GPHN: variants seen among roughly 807,000 people sequenced by gnomAD.
GPHN encodes gephyrin.
GPHN carries 17 observed loss-of-function variants against 95.5 expected under a neutral mutation model. The observed-to-expected ratio is 0.18, with a 90% CI of 0.12 to 0.27. The LOEUF (loss-of-function observed/expected upper bound fraction) is 0.27, where lower values mean the gene tolerates loss of function less well. GPHN is among the 10% of genes least tolerant of loss of function. GPHN has a pLI of 1.00. For synonymous variants in GPHN, 320 were observed against 322.5 expected, an observed-to-expected ratio of 0.99 and a Z score of 0.08; for missense variants, 660 against 978.1, an observed-to-expected ratio of 0.67 and a Z score of 4.34.
rs139038063 is a variant in GPHN at position 66,970,867 on chromosome 14, G to C, written c.963+5542G>C. On this transcript the variant is annotated intron_variant, in intron 9 of 22. Transcript: ENST00000478722. ...TCTGAACAAAAATATGTTTTCTTTT[G>C]TGAACATTTACCTCATCTGGGGGGT... 2.9e-4 allele frequency among the ~76,000 whole-genome samples: 44 copies of C among 152,256 alleles called. 3 individuals carry two copies. In the East Asian group the frequency reaches 8.1e-3, roughly 28 times the overall value.
the GPHN span, chr14:67,279,612 A>C: frequency 1.5e-6 from 2 of 1,334,576 alleles, no homozygotes; most frequent in Non-Finnish European, 2.0e-6. Context: ...TATGAGAAGG[A>C]AGAGGGTTTA....
At chr14:66,988,365 C>T (rs1003032804) in intron 9 of GPHN, among the ~76,000 whole-genome samples, 23 of 152,020 alleles carry the variant, frequency 1.5e-4, no homozygotes, top group African/African-American at 5.3e-4. Flanking sequence ...ATGTCTTCTA[C>T]CCCTTGTTAG....
the GPHN span, among the ~76,000 whole-genome samples, chr14:67,237,879 G>T: frequency 6.6e-6 from 1 of 152,112 alleles, no homozygotes; most frequent in Admixed American, 6.6e-5. Flanking sequence ...TGACAGGGGG[G>T]TTTAAACCAC....
intron 2 of GPHN, among the ~76,000 whole-genome samples, chr14:66,729,922 A>G (rs1202580736): frequency 6.6e-6 from 1 of 152,224 alleles, no homozygotes; most frequent in Admixed American, 6.5e-5. Flanking sequence ...CTGATCTCCC[A>G]CTATGATTGT....
At chr14:66,914,215 G>A (rs2065804360) in intron 5 of GPHN, among the ~76,000 whole-genome samples, 1 of 152,156 alleles carries the variant, frequency 6.6e-6, no homozygotes, top group Admixed American at 6.5e-5. Context: ...CCTAGAGCAA[G>A]TGAAGTATTA....
At chr14:67,649,684 C>T in the GPHN span, 3 of 152,146 alleles carry the variant, frequency 2.0e-5, no homozygotes, top group African/African-American at 7.2e-5. Flanking sequence ...GTACACTCAA[C>T]TATGCATTGC....
the GPHN span, among the ~76,000 whole-genome samples, chr14:67,512,718 G>T: frequency 1.3e-5 from 2 of 151,980 alleles, no homozygotes; most frequent in African/African-American, 2.4e-5. Context: ...CAACATCATC[G>T]GAGACCCTCC....
intron 13 of GPHN, among the ~76,000 whole-genome samples, chr14:67,103,419 G>A (rs891935060): frequency 4.6e-5 from 7 of 150,600 alleles, no homozygotes; most frequent in African/African-American, 1.7e-4. Flanking sequence ...TATAGGAATT[G>A]CAATGAATCT....
the GPHN span, among the ~76,000 whole-genome samples, chr14:67,402,935 C>T: frequency 6.6e-6 from 1 of 152,072 alleles, no homozygotes; most frequent in Admixed American, 6.6e-5. Flanking sequence ...GGGTATATAC[C>T]CAGCAGTGGA....
intron 12 of GPHN, among the ~76,000 whole-genome samples, chr14:67,098,538 G>A (rs1047183410): frequency 1.3e-5 from 2 of 152,028 alleles, no homozygotes. Context: ...GGTCAGGCGC[G>A]GTGGCTTATG....
chr14:66,779,573 A>G (rs2059531578), intron 3 of GPHN, among the ~76,000 whole-genome samples: 1 of 152,192 alleles, frequency 6.6e-6, no homozygotes, highest in African/African-American at 2.4e-5. Flanking sequence ...ACTGATGAAG[A>G]TAAACCAAGA....
the GPHN span, chr14:67,208,038 T>C: frequency 1.7e-6 from 1 of 591,120 alleles, no homozygotes. Context: ...CCCGGGGCTC[T>C]CCCAATGGTC....
chr14:67,573,457 A>T, the GPHN span: 1 of 1,030,850 alleles, frequency 9.7e-7, no homozygotes, highest in Non-Finnish European at 1.5e-6. This position sits in a 1 kb window ranked among gnomAD's most constrained non-coding sequence, Gnocchi z 4.8. Context: ...GTCAGATGGG[A>T]CGGAGGAGGG....
At chr14:67,002,309 CT>C (rs1177817698) in intron 9 of GPHN, among the ~76,000 whole-genome samples, 1,664 of 58,750 alleles carry the variant, frequency 0.028, 14 homozygotes, top group African/African-American at 0.1. Flanking sequence ...CTTTGTGTTG[CT>C]TTTTTTTTTT....
chr14:67,639,615 T>C, the GPHN span, among the ~76,000 whole-genome samples: 9 of 152,040 alleles, frequency 5.9e-5, no homozygotes, highest in Non-Finnish European at 8.8e-5. Flanking sequence ...ATCCAGGAAT[T>C]GTCCATTCAA....
At chr14:67,154,433 C>T (rs1381851655) in intron 18 of GPHN, among the ~76,000 whole-genome samples, 1 of 152,096 alleles carries the variant, frequency 6.6e-6, no homozygotes, top group Non-Finnish European at 1.5e-5. Flanking sequence ...CTATTTCTCT[C>T]CAGTAAAATG....
chr14:67,349,629 G>A, the GPHN span, among the ~76,000 whole-genome samples: 1 of 152,174 alleles, frequency 6.6e-6, no homozygotes, highest in Non-Finnish European at 1.5e-5. Flanking sequence ...GAGGCCAGGA[G>A]TTCAAAACCA....
chr14:67,153,345 G>A (rs2081392738), intron 18 of GPHN, among the ~76,000 whole-genome samples: 1 of 152,148 alleles, frequency 6.6e-6, no homozygotes, highest in Admixed American at 6.5e-5. Flanking sequence ...CTGAAGGTTG[G>A]GAAATCCAAG....
At chr14:67,553,929 T>A in the GPHN span, among the ~76,000 whole-genome samples, 1 of 152,196 alleles carries the variant, frequency 6.6e-6, no homozygotes, top group Non-Finnish European at 1.5e-5. Context: ...AGAAGGGATG[T>A]GGGTATCCTT....
Sources: gnomAD v4.1 joint callset for allele counts (sites outside exome capture counted in the v4.1 genomes callset) on GRCh38, gnomAD v4.1.1 for gene constraint, Gnocchi (gnomAD v3.1) non-coding constraint, MANE v1.5 for transcripts, NCBI Gene and HGNC (gene_info 2026-07-23, HGNC 2026-07-21) for gene names.